Variants in RAB3C observed in about 807,000 individuals in gnomAD.
RAB3C encodes RAB3C, member RAS oncogene family, also known as ras-related protein Rab-3C.
A neutral mutation model predicts 26.4 loss-of-function variants in RAB3C; 17 were observed. That is an observed-to-expected ratio of 0.64 (90% CI 0.44 to 0.97). The LOEUF (loss-of-function observed/expected upper bound fraction) is 0.97. RAB3C is among the 50% of genes least tolerant of loss of function. The pLI, the probability that RAB3C is intolerant of heterozygous loss-of-function variation, is 0.00. For missense variants in RAB3C, 242 were observed against 281.9 expected (o/e 0.86, Z 1.01); for synonymous variants, 91 against 95.9 (o/e 0.95, Z 0.30).
chr5:58,593,240 G>A (rs1313741418), intron 1 of RAB3C, among the ~76,000 whole-genome samples: 10 of 151,974 alleles, frequency 6.6e-5, no homozygotes, highest in Non-Finnish European at 1.3e-4. Flanking sequence ...TTTCCTTTTA[G>A]GCTCAGTAGT....
Position 58,797,694 on chromosome 5 carries a change from G to A in RAB3C, c.372-27344G>A, listed in dbSNP as rs542023763. On this transcript the variant is annotated intron_variant, in intron 3 of 4. Coordinates refer to ENST00000282878, the MANE Select transcript of RAB3C (RefSeq NM_138453.4). ...GCAGAGGCATAACTGGAAAACAAGC[G>A]CTGTGAATCATTTGGTCAGTCTTGA... Among the ~76,000 whole-genome samples, 10 of 152,104 alleles carry A rather than the reference G, an allele frequency of 6.6e-5. No individual in the cohort carries two copies. The East Asian group carries it at 1.5e-3, about 24-fold the overall frequency.
intron 3 of RAB3C, among the ~76,000 whole-genome samples, chr5:58,752,022 C>T (rs578067135): frequency 6.6e-6 from 1 of 152,022 alleles, no homozygotes; most frequent in East Asian, 1.9e-4. Flanking sequence ...ATATAGAATT[C>T]CAGACTTGCC....
intron 4 of RAB3C, among the ~76,000 whole-genome samples, chr5:58,839,495 C>G (rs966242872): frequency 2.0e-5 from 3 of 151,976 alleles, no homozygotes; most frequent in Non-Finnish European, 4.4e-5. Context: ...CTCAAACTCC[C>G]AAGTAGCTAG....
At chr5:58,641,621 G>C (rs1490358524) in intron 2 of RAB3C, among the ~76,000 whole-genome samples, 5 of 152,184 alleles carry the variant, frequency 3.3e-5, no homozygotes, top group Non-Finnish European at 7.3e-5. Flanking sequence ...TCTGACTAGT[G>C]AGTTGGGAGA....
chr5:58,758,731 G>A (rs1451627251), intron 3 of RAB3C, among the ~76,000 whole-genome samples: 2 of 152,164 alleles, frequency 1.3e-5, no homozygotes, highest in Admixed American at 6.6e-5. Flanking sequence ...CTAAGATAAA[G>A]GATGACGACC....
chr5:58,797,353 AATATG>A (rs750496095), intron 3 of RAB3C, among the ~76,000 whole-genome samples: 148 of 25,778 alleles, frequency 5.7e-3, no homozygotes, highest in South Asian at 9.4e-3. Context: ...AAAAAAAAAA[AATATG>A]TATATATATA....
chr5:58,797,368 A>ATTATATATATATAT (rs1464292932), intron 3 of RAB3C, among the ~76,000 whole-genome samples: 2 of 22,810 alleles, frequency 8.8e-5, no homozygotes, highest in African/African-American at 3.0e-4. Context: ...GTATATATAT[A>ATTATATATATATAT]ATATATATAT....
intron 3 of RAB3C, among the ~76,000 whole-genome samples, chr5:58,729,196 C>A (rs932892148): frequency 5.3e-5 from 8 of 151,972 alleles, no homozygotes; most frequent in African/African-American, 1.9e-4. Context: ...TTCCCCATTA[C>A]AGAATACAGT....
At chr5:58,798,417 G>A (rs1742724513) in intron 3 of RAB3C, among the ~76,000 whole-genome samples, 1 of 152,252 alleles carries the variant, frequency 6.6e-6, no homozygotes, top group African/African-American at 2.4e-5. Context: ...CCTCGTGATG[G>A]TTTGTCATGG....
At chr5:58,582,843 G>C (rs1003160351), upstream of RAB3C, among the ~76,000 whole-genome samples, 1 of 152,258 alleles carries the variant, frequency 6.6e-6, no homozygotes, top group Non-Finnish European at 1.5e-5. Flanking sequence ...GAGGAAAAGA[G>C]CAGGGGAGAC....
chr5:58,635,310 T>A (rs777846486), intron 2 of RAB3C, among the ~76,000 whole-genome samples: 12 of 152,072 alleles, frequency 7.9e-5, no homozygotes, highest in Admixed American at 2.6e-4. Flanking sequence ...ACATGGGAAG[T>A]TACATGGGGA....
At position 58,592,444 on chromosome 5, in the gene RAB3C, A is replaced by G. The variant is rs113018563; in HGVS notation, c.24+9212A>G. On this transcript the variant is annotated intron_variant, in intron 1 of 4. Coordinates refer to ENST00000282878, the MANE Select transcript of RAB3C (RefSeq NM_138453.4). Reference sequence around the variant, plus strand: ...AAGTTTTATAATTTTAGCTTTCAATAGCAATCTGTATTTTTTTAATTAAGA... The same window carrying G: ...AAGTTTTATAATTTTAGCTTTCAATGGCAATCTGTATTTTTTTAATTAAGA... Among the ~76,000 whole-genome samples, 439 of 152,190 alleles carry G rather than the reference A, an allele frequency of 2.9e-3. 1 individual carries two copies. Among genetic ancestry groups the G allele is most frequent in the African/African-American group, 0.01 (420 of 41,532 alleles).
chr5:58,747,254 T>A (rs1163227576), intron 3 of RAB3C, among the ~76,000 whole-genome samples: 3 of 152,214 alleles, frequency 2.0e-5, no homozygotes, highest in African/African-American at 4.8e-5. Flanking sequence ...AACTATAAAC[T>A]GTCCAGTTAA....
intron 4 of RAB3C, among the ~76,000 whole-genome samples, chr5:58,849,139 T>C (rs991556302): frequency 3.3e-5 from 5 of 152,214 alleles, no homozygotes; most frequent in Non-Finnish European, 7.3e-5. Flanking sequence ...TCATAATGGC[T>C]AAATCTTTTA....
chr5:58,698,738 C>T (rs754546410), intron 2 of RAB3C, among the ~76,000 whole-genome samples: 4 of 152,184 alleles, frequency 2.6e-5, no homozygotes, highest in Non-Finnish European at 4.4e-5. Flanking sequence ...CTTGTGCATG[C>T]ATCACGAAGT....
chr5:58,713,470 T>C (rs1044501844), intron 2 of RAB3C, among the ~76,000 whole-genome samples: 1 of 152,188 alleles, frequency 6.6e-6, no homozygotes, highest in South Asian at 2.1e-4. Flanking sequence ...AGTGACACAA[T>C]CACTTTTCAA....
At chr5:58,719,682 A>C (rs1156714431) in intron 2 of RAB3C, among the ~76,000 whole-genome samples, 2 of 151,964 alleles carry the variant, frequency 1.3e-5, no homozygotes, top group Non-Finnish European at 2.9e-5. Context: ...AATTCTTGGC[A>C]GTCCTTGTCT....
At chr5:58,711,747 A>G (rs1236423123) in intron 2 of RAB3C, among the ~76,000 whole-genome samples, 2 of 152,096 alleles carry the variant, frequency 1.3e-5, no homozygotes, top group East Asian at 3.9e-4. Flanking sequence ...TACCATGTCA[A>G]ATATTACATT....
rs546665701 is a variant in RAB3C at position 58,740,154 on chromosome 5, A to G, written c.371+14034A>G. On this transcript the variant is annotated intron_variant, in intron 3 of 4. Transcript: ENST00000282878. The stretch of plus-strand genomic sequence containing the variant: ...TCAGGAGCCAGGCCAGGCAGGGGCC[A>G]TGTGTGGGCATGGGAGAGCACAAAG... 5.3e-5 allele frequency among the ~76,000 whole-genome samples: 8 copies of G among 152,324 alleles called. No homozygotes were observed. The South Asian group carries it at 1.7e-3, about 32-fold the overall frequency.
Sources: allele counts gnomAD v4.1 joint callset (sites outside exome capture counted in the v4.1 genomes callset), GRCh38; gene constraint gnomAD v4.1.1; transcripts MANE v1.5; gene names NCBI Gene and HGNC (gene_info 2026-07-23, HGNC 2026-07-21).